The following SLC30A8 variants were observed in gnomAD, a reference collection of about 807,000 sequenced individuals.
The protein encoded by SLC30A8 is proton-coupled zinc antiporter SLC30A8.
In SLC30A8, 27 loss-of-function variants were observed where a neutral mutation model predicts 36.9. The observed-to-expected ratio is 0.73, with a 90% CI of 0.54 to 1.01. The LOEUF is 1.01. Among genes scored for constraint, SLC30A8 ranks in the 50% least tolerant of loss-of-function variants. The pLI, the probability that SLC30A8 is intolerant of heterozygous loss-of-function variation, is 0.00. For missense variants in SLC30A8, 439 were observed against 452.0 expected, an observed-to-expected ratio of 0.97 and a Z score of 0.26; for synonymous variants, 164 against 172.4, an observed-to-expected ratio of 0.95 and a Z score of 0.38.
chr8:117,003,541 T>A lies in SLC30A8; in HGVS notation c.-265-35678T>A, dbSNP rs564927606. On this transcript the variant is annotated intron_variant, in intron 1 of 10. Transcript: ENST00000427715. ...CAGAGCGGCAGAGCTGGTACTCTGATGTAAAGGTTATCAAGAAGGTCTTTA... is the reference window on the plus strand; with the variant it reads ...CAGAGCGGCAGAGCTGGTACTCTGAAGTAAAGGTTATCAAGAAGGTCTTTA... Among the ~76,000 whole-genome samples, 13 of 152,322 alleles carry A rather than the reference T, an allele frequency of 8.5e-5. No individual in the cohort carries two copies. In the East Asian group the frequency reaches 2.3e-3, roughly 27 times the overall value.
intron 1 of SLC30A8, among the ~76,000 whole-genome samples, chr8:117,138,185 G>A (rs537475223): frequency 7.1e-4 from 108 of 151,330 alleles, no homozygotes; most frequent in Non-Finnish European, 1.4e-3. Context: ...TTTTCCCCAA[G>A]CCATATGTTG....
intron 2 of SLC30A8, among the ~76,000 whole-genome samples, chr8:117,151,454 T>A (rs1476363663): frequency 6.6e-6 from 1 of 152,210 alleles, no homozygotes; most frequent in Non-Finnish European, 1.5e-5. Flanking sequence ...TTGCAAGCAG[T>A]TTGCTCTATG....
chr8:116,959,889 T>C (rs566307225), intron 1 of SLC30A8, among the ~76,000 whole-genome samples: 51 of 152,374 alleles, frequency 3.3e-4, no homozygotes, highest in African/African-American at 1.2e-3. Flanking sequence ...TGGTGAATTA[T>C]CAGGGCATAT....
chr8:116,969,192 C>T (rs4615605), intron 1 of SLC30A8, among the ~76,000 whole-genome samples: 47,600 of 151,780 alleles, frequency 0.31, 8,608 homozygotes, highest in East Asian at 0.49. Flanking sequence ...CCGAGGTGGG[C>T]GGATCATTTG....
chr8:117,105,346 T>TTTTATTTA (rs367947838), intron 2 of SLC30A8, among the ~76,000 whole-genome samples: 4 of 152,012 alleles, frequency 2.6e-5, no homozygotes, highest in African/African-American at 9.7e-5. Context: ...ACTTCCATAT[T>TTTTATTTA]TTTATTTATT....
rs142763110 is a variant in SLC30A8, at chr8:117,171,080, A to G, written c.876A>G (p.Leu292=). Residue 292 remains leucine (L), a synonymous_variant, in exon 7 of 8, where the codon TTA becomes TTG. Coordinates refer to ENST00000456015, the MANE Select transcript of SLC30A8 (RefSeq NM_173851.3). ...ACAGTGGTGTGAAAGAGCTTATTTT[A>G]GCAGTCGACGGGGTGCTGTCTGTGC... The part of the protein sequence containing the change: ...LNYSGVKELI[L]AVDGVLSVHS... 1 of 1,611,926 alleles carries G rather than the reference A, an allele frequency of 6.2e-7. No homozygotes were observed. Among genetic ancestry groups the G allele is most frequent in the Non-Finnish European group, 8.5e-7 (1 of 1,179,004 alleles).
rs1484040357 is a variant in SLC30A8 at position 117,175,790 on chromosome 8, A to AT, written c.*3111dup. 2 of 152,078 alleles carry AT rather than the reference A, an allele frequency of 1.3e-5. No individual in the cohort carries two copies. Among genetic ancestry groups the AT allele is most frequent in the Non-Finnish European group, 2.9e-5 (2 of 67,992 alleles). The allele number at this position is 152,078 out of a possible 1,614,324, so 9.4% of individuals were successfully genotyped here. On this transcript the variant is annotated 3_prime_UTR_variant, in exon 8 of 8. Transcript: ENST00000456015. ...ACCGTTCCCACAAGACAGTGGCAAA[A>AT]TTATTGGTGAGAATTAAACAGCTGT...
chr8:117,160,383 T>C (rs1449960874), intron 4 of SLC30A8, among the ~76,000 whole-genome samples: 1 of 151,710 alleles, frequency 6.6e-6, no homozygotes, highest in African/African-American at 2.4e-5. Context: ...AGTGGACTTA[T>C]TGTAATTAGA....
At chr8:117,021,694 A>G (rs1433567934) in intron 1 of SLC30A8, among the ~76,000 whole-genome samples, 1 of 152,210 alleles carries the variant, frequency 6.6e-6, no homozygotes, top group Non-Finnish European at 1.5e-5. Flanking sequence ...GGTCAAGAAA[A>G]TCCAAGGGAA....
chr8:116,957,638 C>T (rs1402829757), intron 1 of SLC30A8, among the ~76,000 whole-genome samples: 1 of 152,142 alleles, frequency 6.6e-6, no homozygotes, highest in Non-Finnish European at 1.5e-5. Flanking sequence ...ACATGATGCC[C>T]CGAGAAACTC....
At chr8:117,111,887 T>A (rs763670354) in intron 2 of SLC30A8, among the ~76,000 whole-genome samples, 31 of 149,952 alleles carry the variant, frequency 2.1e-4, no homozygotes, top group Non-Finnish European at 4.4e-4. Flanking sequence ...AAATGGACAG[T>A]TTTTGATTCT....
At chr8:117,118,190 A>C (rs891817804) in intron 2 of SLC30A8, among the ~76,000 whole-genome samples, 5 of 151,028 alleles carry the variant, frequency 3.3e-5, no homozygotes, top group Admixed American at 6.6e-5. Flanking sequence ...AAAAAAAAAA[A>C]AAACCAAAAA....
intron 2 of SLC30A8, among the ~76,000 whole-genome samples, chr8:117,080,167 G>T (rs911126353): frequency 6.6e-6 from 1 of 151,866 alleles, no homozygotes; most frequent in Non-Finnish European, 1.5e-5. Flanking sequence ...TTTTTTTTAA[G>T]ATTCATTTTT....
intron 2 of SLC30A8, among the ~76,000 whole-genome samples, chr8:117,060,326 CAGAG>C (rs1289298710): frequency 6.6e-6 from 1 of 151,874 alleles, no homozygotes; most frequent in Non-Finnish European, 1.5e-5. Context: ...TCTATATAGC[CAGAG>C]AAAGATTTCA....
intron 2 of SLC30A8, among the ~76,000 whole-genome samples, chr8:117,062,504 C>G (rs1046626315): frequency 6.6e-6 from 1 of 152,140 alleles, no homozygotes; most frequent in African/African-American, 2.4e-5. Context: ...CACTCATCAC[C>G]AAGGCAAGGG....
intron 1 of SLC30A8, among the ~76,000 whole-genome samples, chr8:116,958,367 G>T (rs1814294092): frequency 6.6e-6 from 1 of 151,522 alleles, no homozygotes; most frequent in Non-Finnish European, 1.5e-5. Flanking sequence ...GTGCAGGTAA[G>T]CTGATAATGA....
intron 2 of SLC30A8, among the ~76,000 whole-genome samples, chr8:117,108,080 C>G (rs189039155): frequency 6.6e-6 from 1 of 152,058 alleles, no homozygotes; most frequent in Non-Finnish European, 1.5e-5. Flanking sequence ...TATCTTATTT[C>G]GATGAGTAAA....
intron 1 of SLC30A8, among the ~76,000 whole-genome samples, chr8:116,986,976 A>G (rs1470181017): frequency 1.3e-5 from 2 of 152,198 alleles, no homozygotes; most frequent in Non-Finnish European, 2.9e-5. Flanking sequence ...TTATAGGTCT[A>G]TATCATTATT....
At chr8:117,118,619 C>A (rs1038304091) in intron 2 of SLC30A8, among the ~76,000 whole-genome samples, 1 of 151,904 alleles carries the variant, frequency 6.6e-6, no homozygotes, top group Non-Finnish European at 1.5e-5. Context: ...GAGTCTACAG[C>A]AGCCTAATGT....
Sources: allele counts gnomAD v4.1 joint callset (sites outside exome capture counted in the v4.1 genomes callset), GRCh38; gene constraint gnomAD v4.1.1; transcripts MANE v1.5; gene names NCBI Gene and HGNC (gene_info 2026-07-23, HGNC 2026-07-21).